The following TASP1 variants were observed in gnomAD, a reference collection of about 807,000 sequenced individuals.
TASP1 encodes taspase 1.
Under a neutral mutation model 56.6 loss-of-function variants are expected in TASP1, and 16 were observed. That is an observed-to-expected ratio of 0.28 (90% CI 0.19 to 0.43). The LOEUF is 0.43. Ranked by LOEUF, TASP1 falls within the 20% of genes least tolerant of loss-of-function variation. TASP1 has a pLI of 1.00. For missense variants in TASP1, 393 were observed against 511.6 expected (o/e 0.77, Z 2.24); for synonymous variants, 179 against 184.2 (o/e 0.97, Z 0.23).
chr20:13,601,661 CT>C (rs1400095152), intron 4 of TASP1, among the ~76,000 whole-genome samples: 3 of 152,098 alleles, frequency 2.0e-5, no homozygotes, highest in African/African-American at 7.2e-5. Context: ...TACTGACTTC[CT>C]TCTGAAGAAT....
At chr20:13,134,159 A>G in the TASP1 span, among the ~76,000 whole-genome samples, 1 of 152,228 alleles carries the variant, frequency 6.6e-6, no homozygotes. Flanking sequence ...CTGACACATC[A>G]TAGGCCTTCA....
the TASP1 span, among the ~76,000 whole-genome samples, chr20:13,225,062 C>T: frequency 1.8e-4 from 27 of 150,442 alleles, no homozygotes; most frequent in South Asian, 1.3e-3. Flanking sequence ...ACCGTGTTAG[C>T]CAGGATGGTC....
chr20:13,204,621 C>T, the TASP1 span, among the ~76,000 whole-genome samples: 1 of 151,968 alleles, frequency 6.6e-6, no homozygotes, highest in African/African-American at 2.4e-5. Context: ...CTCACTGCAA[C>T]ATCTGCCTTC....
At chr20:13,112,185 G>T in the TASP1 span, among the ~76,000 whole-genome samples, 1 of 152,220 alleles carries the variant, frequency 6.6e-6, no homozygotes, top group Non-Finnish European at 1.5e-5. Flanking sequence ...ACATGGCATT[G>T]GTTGGAGGCC....
At chr20:13,225,769 G>C in the TASP1 span, among the ~76,000 whole-genome samples, 2 of 152,054 alleles carry the variant, frequency 1.3e-5, 1 homozygote, top group Non-Finnish European at 2.9e-5. Context: ...ACTTTTTCTT[G>C]CTTTTGAATC....
chr20:13,225,223 A>G, the TASP1 span, among the ~76,000 whole-genome samples: 6 of 152,126 alleles, frequency 3.9e-5, no homozygotes, highest in Non-Finnish European at 8.8e-5. Flanking sequence ...TTTCAAAAGG[A>G]GAAACTGAGG....
the TASP1 span, among the ~76,000 whole-genome samples, chr20:13,198,794 CT>C: frequency 1.9e-4 from 1 of 5,182 alleles, no homozygotes; most frequent in Non-Finnish European, 5.2e-4. Context: ...CTTTCTTTGT[CT>C]TTCTTTCTTT....
At chr20:13,192,102 A>C in the TASP1 span, among the ~76,000 whole-genome samples, 5 of 152,354 alleles carry the variant, frequency 3.3e-5, no homozygotes, top group South Asian at 1.0e-3. Flanking sequence ...TATCCAAAGA[A>C]ATTATTTCAT....
intron 4 of TASP1, among the ~76,000 whole-genome samples, chr20:13,609,959 T>C (rs2048295959): frequency 6.6e-6 from 1 of 152,188 alleles, no homozygotes; most frequent in African/African-American, 2.4e-5. Flanking sequence ...TGATACATGC[T>C]ACACTGTGAA....
chr20:13,551,609 T>C (rs1254711078), intron 8 of TASP1, among the ~76,000 whole-genome samples: 2 of 152,210 alleles, frequency 1.3e-5, no homozygotes, highest in Non-Finnish European at 2.9e-5. Flanking sequence ...GATTATGCCA[T>C]GCATTCAATC....
At chr20:13,288,668 C>T in the TASP1 span, 13 of 1,613,756 alleles carry the variant, frequency 8.1e-6, no homozygotes, top group East Asian at 4.5e-5. Flanking sequence ...GACCTGTGAC[C>T]GTCCAAACTG....
chr20:13,221,963 T>C, the TASP1 span: 2 of 1,300,722 alleles, frequency 1.5e-6, no homozygotes, highest in South Asian at 2.2e-5. Flanking sequence ...GGACGGTTTG[T>C]GGGGCGGGGG....
At chr20:13,432,056 G>A (rs1475911478) in intron 12 of TASP1, among the ~76,000 whole-genome samples, 2 of 152,164 alleles carry the variant, frequency 1.3e-5, no homozygotes, top group Non-Finnish European at 2.9e-5. Flanking sequence ...ATAAGCAATA[G>A]AAACAGACTA....
the TASP1 span, among the ~76,000 whole-genome samples, chr20:13,205,535 G>A: frequency 2.0e-5 from 3 of 151,978 alleles, no homozygotes; most frequent in South Asian, 2.1e-4. Flanking sequence ...GGCCCACTTC[G>A]TGGTTTACAA....
intron 10 of TASP1, among the ~76,000 whole-genome samples, chr20:13,492,140 C>T (rs1023090355): frequency 3.3e-5 from 5 of 152,176 alleles, no homozygotes; most frequent in Middle Eastern, 3.2e-3. Flanking sequence ...CAAAAGCTCA[C>T]ATTCAGTACC....
chr20:13,418,103 G>T (rs6033700), intron 12 of TASP1, among the ~76,000 whole-genome samples: 1,769 of 152,196 alleles, frequency 0.012, 45 homozygotes, highest in African/African-American at 0.039. Flanking sequence ...GTAGAGACGG[G>T]GTTTCACCAT....
chr20:13,117,514 G>C, the TASP1 span: 3 of 1,592,420 alleles, frequency 1.9e-6, no homozygotes, highest in Non-Finnish European at 2.6e-6. Context: ...AGCATGGAAG[G>C]TTCCATCGTG....
intron 4 of TASP1, among the ~76,000 whole-genome samples, chr20:13,589,978 T>A (rs374139623): frequency 2.6e-5 from 4 of 152,258 alleles, no homozygotes; most frequent in African/African-American, 9.6e-5. Context: ...ACACCTGTAA[T>A]CCCAGCACTT....
At chr20:13,507,225 T>C (rs949643164) in intron 10 of TASP1, among the ~76,000 whole-genome samples, 1 of 152,084 alleles carries the variant, frequency 6.6e-6, no homozygotes, top group Non-Finnish European at 1.5e-5. Context: ...ATAAAAGACC[T>C]GTACACTCAA....
Sources: gnomAD v4.1 joint callset for allele counts (sites outside exome capture counted in the v4.1 genomes callset) on GRCh38, gnomAD v4.1.1 for gene constraint, MANE v1.5 for transcripts, NCBI Gene and HGNC (gene_info 2026-07-23, HGNC 2026-07-21) for gene names.